The following RPS6KC1 variants were observed in gnomAD, a reference collection of about 807,000 sequenced individuals.
RPS6KC1 encodes the protein ribosomal protein S6 kinase C1.
A neutral mutation model predicts 103.8 loss-of-function variants in RPS6KC1; 54 were observed. That is an observed-to-expected ratio of 0.52 (90% CI 0.42 to 0.65). The LOEUF is 0.65. Among genes scored for constraint, RPS6KC1 ranks in the 30% least tolerant of loss-of-function variants. RPS6KC1 has a pLI of 0.00. For missense variants in RPS6KC1, 1,151 were observed against 1,253.8 expected (o/e 0.92, Z 1.24); for synonymous variants, 439 against 438.7 (o/e 1.00, Z -0.01).
chr1:213,653,594 AC>A, the RPS6KC1 span, among the ~76,000 whole-genome samples: 1 of 152,124 alleles, frequency 6.6e-6, no homozygotes, highest in African/African-American at 2.4e-5. Context: ...AGGCTCTTTA[AC>A]CTATCATTTG....
chr1:213,180,879 T>G (rs1257626725), intron 8 of RPS6KC1, among the ~76,000 whole-genome samples: 1 of 152,214 alleles, frequency 6.6e-6, no homozygotes, highest in Non-Finnish European at 1.5e-5. Flanking sequence ...AATGCCCAAG[T>G]GCTAAGAGAG....
the RPS6KC1 span, among the ~76,000 whole-genome samples, chr1:213,361,425 G>A: frequency 1.3e-5 from 2 of 152,252 alleles, no homozygotes; most frequent in South Asian, 2.1e-4. Context: ...ATTAGGGTGT[G>A]AGCGACCCGA....
the RPS6KC1 span, among the ~76,000 whole-genome samples, chr1:213,410,530 G>A: frequency 6.6e-6 from 1 of 152,192 alleles, no homozygotes; most frequent in African/African-American, 2.4e-5. Flanking sequence ...TGTTGAAGAG[G>A]ATGGAGAGGG....
At chr1:213,655,447 T>A in the RPS6KC1 span, among the ~76,000 whole-genome samples, 1 of 152,252 alleles carries the variant, frequency 6.6e-6, no homozygotes, top group African/African-American at 2.4e-5. Context: ...ATAAGATACC[T>A]GTGAGTCATG....
the RPS6KC1 span, among the ~76,000 whole-genome samples, chr1:213,432,099 C>A: frequency 1.3e-5 from 2 of 152,266 alleles, no homozygotes; most frequent in African/African-American, 4.8e-5. Context: ...TAAGTCTTTG[C>A]CCATATTTTA....
At chr1:213,683,303 T>G in the RPS6KC1 span, among the ~76,000 whole-genome samples, 1 of 152,196 alleles carries the variant, frequency 6.6e-6, no homozygotes, top group African/African-American at 2.4e-5. Flanking sequence ...ATTTTTTGAA[T>G]GGGCATGCCT....
chr1:213,363,691 T>TTTCC, the RPS6KC1 span, among the ~76,000 whole-genome samples: 5 of 72,684 alleles, frequency 6.9e-5, no homozygotes, highest in East Asian at 7.9e-4. Flanking sequence ...TCTTTCTTTC[T>TTTCC]TTCTTTCTTT....
At chr1:213,130,011 A>C in intron 6 of RPS6KC1, 122 bp downstream of exon 6, 1 of 965,290 alleles carries the variant, frequency 1.0e-6, no homozygotes, top group Non-Finnish European at 1.5e-6. Flanking sequence ...GAAATTACTG[A>C]AGCTTAAAAG....
the RPS6KC1 span, among the ~76,000 whole-genome samples, chr1:213,713,987 G>T: frequency 3.3e-5 from 5 of 152,238 alleles, no homozygotes; most frequent in South Asian, 6.2e-4. Flanking sequence ...GCTTTGACTA[G>T]ACTTTACACA....
chr1:213,360,500 G>A, the RPS6KC1 span, among the ~76,000 whole-genome samples: 2 of 152,114 alleles, frequency 1.3e-5, no homozygotes, highest in African/African-American at 4.8e-5. Flanking sequence ...CGATGGGTTC[G>A]AACTTCCTCC....
At chr1:213,203,029 G>A (rs2093221453) in intron 8 of RPS6KC1, among the ~76,000 whole-genome samples, 1 of 151,924 alleles carries the variant, frequency 6.6e-6, no homozygotes, top group Non-Finnish European at 1.5e-5. Context: ...TTTCAGAGTT[G>A]GAGATTATGG....
intron 1 of RPS6KC1, among the ~76,000 whole-genome samples, chr1:213,059,819 C>T (rs1027710827): frequency 1.3e-5 from 2 of 152,102 alleles, no homozygotes; most frequent in African/African-American, 4.8e-5. Flanking sequence ...ACTACAGGCA[C>T]CCGCCACCGT....
At chr1:213,721,388 G>A in the RPS6KC1 span, among the ~76,000 whole-genome samples, 29 of 152,302 alleles carry the variant, frequency 1.9e-4, 1 homozygote, top group African/African-American at 1.2e-4. Flanking sequence ...TACCGTTCTC[G>A]TGGTAGTGAA....
chr1:213,134,114 G>A (rs554782576), intron 6 of RPS6KC1, among the ~76,000 whole-genome samples: 1 of 152,016 alleles, frequency 6.6e-6, no homozygotes, highest in African/African-American at 2.4e-5. Flanking sequence ...CAAATTGAGT[G>A]ACGGCCCTTC....
chr1:213,089,125 T>C (rs1189308746), intron 3 of RPS6KC1, among the ~76,000 whole-genome samples: 1 of 152,196 alleles, frequency 6.6e-6, no homozygotes, highest in Non-Finnish European at 1.5e-5. Context: ...AACATTTTTA[T>C]TTTCTTATGT....
At chr1:213,562,808 T>C in the RPS6KC1 span, among the ~76,000 whole-genome samples, 1 of 152,140 alleles carries the variant, frequency 6.6e-6, no homozygotes, top group African/African-American at 2.4e-5. Flanking sequence ...TGATCACAAG[T>C]GTGTGCCACT....
At chr1:213,608,881 A>G in the RPS6KC1 span, among the ~76,000 whole-genome samples, 195 of 152,358 alleles carry the variant, frequency 1.3e-3, 1 homozygote, top group African/African-American at 4.4e-3. Flanking sequence ...CACATATGAC[A>G]TAGATGTACC....
intron 1 of RPS6KC1, among the ~76,000 whole-genome samples, chr1:213,069,395 T>C (rs966716598): frequency 6.6e-6 from 1 of 152,238 alleles, no homozygotes; most frequent in African/African-American, 2.4e-5. Flanking sequence ...TTTTAAATTA[T>C]AGAGTTCTTG....
intron 10 of RPS6KC1, among the ~76,000 whole-genome samples, chr1:213,239,937 AAAT>A (rs1199146707): frequency 1.3e-5 from 2 of 152,208 alleles, no homozygotes; most frequent in South Asian, 2.1e-4. Context: ...AACTATGGTG[AAAT>A]AATAACTACA....
Sources: allele counts gnomAD v4.1 joint callset (sites outside exome capture counted in the v4.1 genomes callset), GRCh38; gene constraint gnomAD v4.1.1; transcripts MANE v1.5; gene names NCBI Gene and HGNC (gene_info 2026-07-23, HGNC 2026-07-21).